DNM3: variants seen among roughly 807,000 people sequenced by gnomAD.
The protein encoded by DNM3 is dynamin-3.
Under a neutral mutation model 101.6 loss-of-function variants are expected in DNM3, and 47 were observed. The ratio of observed to expected loss-of-function variants is 0.46; its 90% CI spans 0.37 to 0.59. The LOEUF (loss-of-function observed/expected upper bound fraction) is 0.59, where lower values mean the gene tolerates loss of function less well. Ranked by LOEUF, DNM3 falls within the 20% of genes least tolerant of loss-of-function variation. The pLI, the probability that DNM3 is intolerant of heterozygous loss-of-function variation, is 0.00. For missense variants in DNM3, 849 were observed against 1,085.7 expected, an observed-to-expected ratio of 0.78 and a Z score of 3.06; for synonymous variants, 385 against 387.9, an observed-to-expected ratio of 0.99 and a Z score of 0.09.
At position 172,236,978 on chromosome 1, in the gene DNM3, G is replaced by A. The variant is rs190471079; in HGVS notation, c.1660-16595G>A. ...ATTCTCTCCTGTTTTATTAAGGGCC[G>A]AACATTATTGTATCGTTTCGCCAAT... On this transcript the variant is annotated intron_variant, in intron 14 of 20. Coordinates refer to ENST00000627582, the MANE Select transcript of DNM3 (RefSeq NM_015569.5). Among the ~76,000 whole-genome samples the A allele has an allele frequency of 4.0e-3, 613 of 152,126 alleles. 6 individuals are homozygous for A. Among genetic ancestry groups the A allele is most frequent in the Middle Eastern group, 6.8e-3 (2 of 294 alleles).
Position 172,068,850 on chromosome 1 carries a change from C to T in DNM3, c.1367C>T (p.Thr456Met), listed in dbSNP as rs375651951. The T allele has an allele frequency of 1.4e-5, 22 of 1,575,224 alleles. No individual in the cohort carries two copies. Among genetic ancestry groups the T allele is most frequent in the South Asian group, 3.5e-5 (3 of 85,410 alleles). ...LANFPRLCEE[T>M]ERIVANHIRE... ...AACTTCCCCAGACTCTGCGAGGAAACGGAAAGGATTGTTGCTAACCACATT... is the reference window on the plus strand; with the variant it reads ...AACTTCCCCAGACTCTGCGAGGAAATGGAAAGGATTGTTGCTAACCACATT... The change falls in exon 11 of 21, where the codon ACG (threonine) becomes ATG (methionine). Residue 456 changes from threonine (T) to methionine (M), a missense_variant. Thr to Met is a moderately conservative substitution (Grantham distance 81). Around this residue, in one of 5 missense-constraint regions of DNM3, gnomAD observed 193 missense variants for 238.4 expected, o/e 0.81. Transcript: ENST00000627582.
chr1:171,883,965 T>G (rs1350272036), intron 1 of DNM3, among the ~76,000 whole-genome samples: 1 of 152,212 alleles, frequency 6.6e-6, no homozygotes, highest in Non-Finnish European at 1.5e-5. Context: ...CTCAGTGTGC[T>G]TGCCACACTA....
At chr1:172,118,684 G>A (rs569086093) in intron 13 of DNM3, among the ~76,000 whole-genome samples, 5 of 151,854 alleles carry the variant, frequency 3.3e-5, no homozygotes, top group African/African-American at 7.2e-5. Flanking sequence ...TTCCACTCTC[G>A]AGCTCCCCAT....
intron 15 of DNM3, among the ~76,000 whole-genome samples, chr1:172,278,889 C>T (rs1362062268): frequency 6.6e-6 from 1 of 152,126 alleles, no homozygotes; most frequent in African/African-American, 2.4e-5. Context: ...ATTATCACTG[C>T]GACTTTTCCC....
chr1:172,108,016 CCTT>C (rs2055189233), intron 13 of DNM3, among the ~76,000 whole-genome samples: 2 of 151,580 alleles, frequency 1.3e-5, no homozygotes, highest in Admixed American at 6.6e-5. Context: ...CGGTGGTTAA[CCTT>C]CTGGTCTCCA....
intron 13 of DNM3, among the ~76,000 whole-genome samples, chr1:172,124,095 A>G (rs139295188): frequency 2.0e-5 from 3 of 152,310 alleles, no homozygotes; most frequent in Non-Finnish European, 2.9e-5. Context: ...TGCTGTTTCT[A>G]TAGCTTATCA....
At chr1:172,417,729 A>T (rs1263922432) in intron 20 of DNM3, among the ~76,000 whole-genome samples, 1 of 152,018 alleles carries the variant, frequency 6.6e-6, no homozygotes, top group Non-Finnish European at 1.5e-5. Flanking sequence ...TCTGAGATCA[A>T]CCTCTGGCAT....
At chr1:172,283,508 TC>T (rs1285707471) in intron 15 of DNM3, among the ~76,000 whole-genome samples, 2 of 152,028 alleles carry the variant, frequency 1.3e-5, no homozygotes, top group Non-Finnish European at 2.9e-5. Flanking sequence ...ACACCTGTAA[TC>T]CCATCACTTT....
chr1:172,093,655 T>A, intron 13 of DNM3: 2 of 1,572,086 alleles, frequency 1.3e-6, no homozygotes, highest in South Asian at 1.2e-5. Context: ...TTTTAAAAAC[T>A]TTTTTTCTGA....
intron 14 of DNM3, among the ~76,000 whole-genome samples, chr1:172,171,287 G>A (rs1216105331): frequency 6.6e-6 from 1 of 151,626 alleles, no homozygotes; most frequent in East Asian, 1.9e-4. Flanking sequence ...GACTTTTGGG[G>A]ACATGTAACA....
chr1:171,911,337 G>C (rs2039286320), intron 1 of DNM3, among the ~76,000 whole-genome samples: 1 of 140,512 alleles, frequency 7.1e-6, no homozygotes, highest in Non-Finnish European at 1.5e-5. Flanking sequence ...CTGGAGTGCA[G>C]TGGTGCAATC....
At chr1:172,062,546 A>G (rs1404181060) in intron 10 of DNM3, among the ~76,000 whole-genome samples, 1 of 152,028 alleles carries the variant, frequency 6.6e-6, no homozygotes, top group Non-Finnish European at 1.5e-5. Flanking sequence ...TTTGTTGAAA[A>G]TATTTGAGGT....
intron 14 of DNM3, among the ~76,000 whole-genome samples, chr1:172,161,001 C>G (rs2148288523): frequency 6.6e-6 from 1 of 151,862 alleles, no homozygotes; most frequent in East Asian, 1.9e-4. Context: ...GACTTAAAAT[C>G]CTAAGAATTA....
At chr1:171,852,231 C>T (rs946067107) in intron 1 of DNM3, among the ~76,000 whole-genome samples, 12 of 152,246 alleles carry the variant, frequency 7.9e-5, no homozygotes, top group Admixed American at 2.0e-4. Context: ...TTTCATTTAC[C>T]TGCCTATCTT....
chr1:172,323,256 A>G, intron 16 of DNM3, 73 bp from the exon 17 acceptor site: 1 of 1,459,724 alleles, frequency 6.9e-7, no homozygotes, highest in Non-Finnish European at 9.2e-7. Flanking sequence ...GTAGAAGAAA[A>G]AACCCTCATA....
At chr1:171,960,879 T>C (rs2043171863) in intron 2 of DNM3, among the ~76,000 whole-genome samples, 1 of 152,130 alleles carries the variant, frequency 6.6e-6, no homozygotes, top group African/African-American at 2.4e-5. Context: ...AGGAAGTGCA[T>C]CCTTGATGAC....
intron 1 of DNM3, among the ~76,000 whole-genome samples, chr1:171,902,025 A>T (rs1010237972): frequency 4.6e-5 from 7 of 152,204 alleles, no homozygotes; most frequent in African/African-American, 7.2e-5. Context: ...TAGCACATTT[A>T]AAAAAATAAT....
intron 16 of DNM3, among the ~76,000 whole-genome samples, chr1:172,318,300 G>A (rs1333471741): frequency 6.6e-6 from 1 of 151,632 alleles, no homozygotes; most frequent in Non-Finnish European, 1.5e-5. Flanking sequence ...GGCAAAAACT[G>A]GAAGCATTCC....
At chr1:172,187,501 G>A (rs1482306637) in intron 14 of DNM3, among the ~76,000 whole-genome samples, 5 of 151,898 alleles carry the variant, frequency 3.3e-5, no homozygotes, top group Admixed American at 2.6e-4. Flanking sequence ...CTTTCCAAAC[G>A]TGGTTCATCC....
Sources: allele counts gnomAD v4.1 joint callset (sites outside exome capture counted in the v4.1 genomes callset), GRCh38; gene constraint gnomAD v4.1.1; regional missense constraint gnomAD v4.1.1; transcripts MANE v1.5; gene names NCBI Gene and HGNC (gene_info 2026-07-23, HGNC 2026-07-21).